The following RARB variants were observed in gnomAD, a reference collection of about 807,000 sequenced individuals.
The protein encoded by RARB is retinoic acid receptor beta.
Under a neutral mutation model 51.9 loss-of-function variants are expected in RARB, and 17 were observed. That is an observed-to-expected ratio of 0.33 (90% CI 0.22 to 0.49). The LOEUF is 0.49. Ranked by LOEUF, RARB falls within the 20% of genes least tolerant of loss-of-function variation. The pLI is 0.99. For missense variants in RARB, 369 were observed against 550.8 expected (o/e 0.67, Z 3.30); for synonymous variants, 215 against 195.4 (o/e 1.10, Z -0.84).
intron 5 of RARB, among the ~76,000 whole-genome samples, chr3:25,230,237 C>T (rs1355497827): frequency 6.6e-6 from 1 of 151,932 alleles, no homozygotes; most frequent in East Asian, 1.9e-4. Flanking sequence ...TTGCATCTTC[C>T]CCCTAAAACC....
At chr3:25,560,977 C>T (rs1019896166) in intron 3 of RARB, among the ~76,000 whole-genome samples, 1 of 152,064 alleles carries the variant, frequency 6.6e-6, no homozygotes, top group African/African-American at 2.4e-5. Context: ...ATGTATATAT[C>T]TAAATATATA....
At chr3:25,350,957 G>T (rs1705549693) in intron 5 of RARB, among the ~76,000 whole-genome samples, 1 of 152,182 alleles carries the variant, frequency 6.6e-6, no homozygotes, top group Non-Finnish European at 1.5e-5. Flanking sequence ...GGCTTTTTCT[G>T]TAGAGCCTCC....
intron 2 of RARB, among the ~76,000 whole-genome samples, chr3:24,991,188 C>T (rs1040242323): frequency 6.6e-6 from 1 of 152,182 alleles, no homozygotes; most frequent in African/African-American, 2.4e-5. Flanking sequence ...CGCCTGTAAT[C>T]TCAGCACTTT....
At chr3:24,955,466 C>G (rs373298965) in intron 2 of RARB, among the ~76,000 whole-genome samples, 56 of 152,250 alleles carry the variant, frequency 3.7e-4, no homozygotes, top group African/African-American at 1.3e-3. Flanking sequence ...AGGGTGGGGC[C>G]TTTGCCAGGG....
chr3:25,334,238 T>C (rs995249844), intron 5 of RARB, among the ~76,000 whole-genome samples: 2 of 152,210 alleles, frequency 1.3e-5, no homozygotes, highest in Admixed American at 1.3e-4. Flanking sequence ...CGTATGTTTA[T>C]TGCAGCACTA....
At chr3:24,936,653 G>A (rs372514324) in intron 2 of RARB, among the ~76,000 whole-genome samples, 28 of 152,328 alleles carry the variant, frequency 1.8e-4, no homozygotes, top group African/African-American at 5.8e-4. Context: ...ATAATCAAAA[G>A]TTAACTGTCA....
chr3:25,381,255 A>G (rs987574342), intron 5 of RARB, among the ~76,000 whole-genome samples: 1 of 152,116 alleles, frequency 6.6e-6, no homozygotes, highest in Non-Finnish European at 1.5e-5. Context: ...CCCAAGGAGG[A>G]CTCTCTGAAA....
At position 25,584,795 on chromosome 3, in the gene RARB, T is replaced by C. The variant is rs150670111; in HGVS notation, c.786+4073T>C. ...TCATGTAGCACTGCGTCAATATTGG[T>C]TGAAGTCATGATTCTCACATGTATT... On this transcript the variant is annotated intron_variant, in intron 5 of 7. Coordinates refer to ENST00000330688, the MANE Select transcript of RARB (RefSeq NM_000965.5). 3.2e-3 allele frequency among the ~76,000 whole-genome samples: 486 copies of C among 152,284 alleles called. 2 individuals are homozygous for C. Among genetic ancestry groups the C allele is most frequent in the African/African-American group, 0.011 (444 of 41,546 alleles).
intron 2 of RARB, among the ~76,000 whole-genome samples, chr3:25,489,751 A>G (rs1394593169): frequency 3.9e-5 from 6 of 152,268 alleles, no homozygotes; most frequent in Admixed American, 3.9e-4. Flanking sequence ...TTCAAGTCCT[A>G]GGGCCTGTGG....
At chr3:24,930,977 C>T (rs1317733577) in intron 2 of RARB, among the ~76,000 whole-genome samples, 6 of 152,052 alleles carry the variant, frequency 3.9e-5, no homozygotes, top group Non-Finnish European at 8.8e-5. Flanking sequence ...TGTGCCGTTG[C>T]ACTCCACACT....
At chr3:25,156,015 CTG>C (rs1559485677) in intron 4 of RARB, among the ~76,000 whole-genome samples, 1 of 152,140 alleles carries the variant, frequency 6.6e-6, no homozygotes, top group African/African-American at 2.4e-5. Flanking sequence ...TGCTTTTTCT[CTG>C]TGTGCTTGAT....
intron 5 of RARB, among the ~76,000 whole-genome samples, chr3:25,282,478 C>CACTT (rs1344161369): frequency 5.0e-5 from 7 of 140,406 alleles, no homozygotes; most frequent in Non-Finnish European, 8.2e-5. Context: ...CTTTTCATAG[C>CACTT]ACTTTTTATG....
rs78551358 is a variant in RARB at position 25,378,213 on chromosome 3, A to T, written c.179-82980A>T. 6.8e-3 allele frequency among the ~76,000 whole-genome samples: 1,035 copies of T among 152,274 alleles called. 14 individuals are homozygous for T. Among genetic ancestry groups the T allele is most frequent in the African/African-American group, 0.023 (951 of 41,554 alleles). On this transcript the variant is annotated intron_variant, in intron 5 of 11. Coordinates refer to the RARB transcript ENST00000383772. ...ATGCATGCACGAGGGTATTTTGCAG[A>T]TGGTTTACAAAGACTTAGTTTATAT...
At chr3:25,233,293 C>G (rs1379118591) in intron 5 of RARB, among the ~76,000 whole-genome samples, 2 of 152,064 alleles carry the variant, frequency 1.3e-5, no homozygotes, top group Admixed American at 1.3e-4. Flanking sequence ...ATATTTTGAA[C>G]ATATTATAGG....
At position 24,879,613 on chromosome 3, in the gene RARB, A is replaced by G. The variant is rs562362915; in HGVS notation, c.-380+20861A>G. 9.1e-4 allele frequency among the ~76,000 whole-genome samples: 138 copies of G among 151,774 alleles called. No individual in the cohort carries two copies. In the South Asian group the frequency reaches 0.028, roughly 31 times the overall value. On this transcript the variant is annotated intron_variant, in intron 2 of 11. Coordinates refer to the RARB transcript ENST00000383772. The stretch of plus-strand genomic sequence containing the variant: ...CCAAGTGGGAGTTTCACTTGAGGCC[A>G]GGAGTTTGAGACCAGCTTGGAAAAC...
At chr3:25,138,020 C>A (rs1193901384) in intron 4 of RARB, among the ~76,000 whole-genome samples, 4 of 152,116 alleles carry the variant, frequency 2.6e-5, no homozygotes, top group Non-Finnish European at 5.9e-5. Flanking sequence ...TCAGGAAAGG[C>A]ATGGTCAGGC....
intron 3 of RARB, among the ~76,000 whole-genome samples, chr3:25,086,827 G>A (rs767218697): frequency 7.9e-5 from 12 of 152,092 alleles, no homozygotes; most frequent in Admixed American, 1.3e-4. Context: ...ATAAGGGACC[G>A]TGGAGAACAA....
chr3:24,955,830 T>C (rs1351503199), intron 2 of RARB, among the ~76,000 whole-genome samples: 1 of 151,992 alleles, frequency 6.6e-6, no homozygotes, highest in African/African-American at 2.4e-5. Flanking sequence ...ATAAAGGTGG[T>C]CGTCTTATGT....
intron 5 of RARB, among the ~76,000 whole-genome samples, chr3:25,384,442 A>C (rs1440505844): frequency 1.3e-5 from 2 of 152,244 alleles, no homozygotes; most frequent in Non-Finnish European, 2.9e-5. Flanking sequence ...GCTTGTGTTT[A>C]GAATTATAAA....
Sources: gnomAD v4.1 joint callset for allele counts (sites outside exome capture counted in the v4.1 genomes callset) on GRCh38, gnomAD v4.1.1 for gene constraint, MANE v1.5 for transcripts, NCBI Gene and HGNC (gene_info 2026-07-23, HGNC 2026-07-21) for gene names.